TAX1BP1: variants seen among roughly 807,000 people sequenced by gnomAD.
The protein encoded by TAX1BP1 is Tax1 binding protein 1, also known as tax1-binding protein 1.
In TAX1BP1, 62 loss-of-function variants were observed where a neutral mutation model predicts 97.7. The ratio of observed to expected loss-of-function variants is 0.63; its 90% CI spans 0.52 to 0.78. The LOEUF is 0.78. TAX1BP1 is among the 30% of genes least tolerant of loss of function. TAX1BP1 has a pLI of 0.00. For synonymous variants in TAX1BP1, 340 were observed against 304.2 expected (o/e 1.12, Z -1.23); for missense variants, 867 against 916.1 (o/e 0.95, Z 0.69).
chr7:27,761,671 T>C (rs1464296898), intron 3 of TAX1BP1, among the ~76,000 whole-genome samples: 1 of 152,260 alleles, frequency 6.6e-6, no homozygotes, highest in Non-Finnish European at 1.5e-5. Flanking sequence ...ATAGCTCATT[T>C]CTTTTATTAC....
At chr7:27,760,546 C>G (rs1788386796) in intron 3 of TAX1BP1, among the ~76,000 whole-genome samples, 1 of 152,056 alleles carries the variant, frequency 6.6e-6, no homozygotes, top group Non-Finnish European at 1.5e-5. Flanking sequence ...GCGCCCGCCA[C>G]CATGCCTGGC....
At chr7:27,761,345 G>A (rs1026663802) in intron 3 of TAX1BP1, among the ~76,000 whole-genome samples, 1 of 152,086 alleles carries the variant, frequency 6.6e-6, no homozygotes, top group African/African-American at 2.4e-5. Flanking sequence ...TATTGTCTGA[G>A]TTCATAGTTT....
At chr7:27,794,074 T>G (rs1544414) in intron 10 of TAX1BP1, among the ~76,000 whole-genome samples, 21,180 of 151,810 alleles carry the variant, frequency 0.14, 1,727 homozygotes, top group Middle Eastern at 0.19. Flanking sequence ...AATGACTTAT[T>G]TTGGTGGTCT....
rs371052683 is a variant in TAX1BP1, at chr7:27,785,445, G to C, written c.808G>C (p.Glu270Gln). 1 of 1,613,544 alleles carries C rather than the reference G, an allele frequency of 6.2e-7. No individual in the cohort carries two copies. Among genetic ancestry groups the C allele is most frequent in the Non-Finnish European group, 8.5e-7 (1 of 1,179,896 alleles). ...GGCACAACATGAAAGAGAACAACTT[G>C]AATGTCAGTTGAAGACAGAGAAGGA... ...KKAQHEREQL[E>Q]CQLKTEKDEK... The change falls in exon 7 of 17, where the codon GAA (glutamate) becomes CAA (glutamine). Residue 270 changes from glutamate to glutamine, a missense_variant. Glu to Gln is a conservative substitution (Grantham distance 29, BLOSUM62 2). Coordinates refer to ENST00000396319, the MANE Select transcript of TAX1BP1 (RefSeq NM_006024.7).
intron 13 of TAX1BP1, among the ~76,000 whole-genome samples, chr7:27,814,379 T>G (rs1248135622): frequency 6.6e-6 from 1 of 152,190 alleles, no homozygotes; most frequent in East Asian, 1.9e-4. Context: ...CTGTGTACAT[T>G]TTAGAATTAT....
chr7:27,796,002 C>T (rs1172839078), intron 11 of TAX1BP1, 114 bp from the exon 12 acceptor site: 6 of 709,370 alleles, frequency 8.5e-6, no homozygotes, highest in Non-Finnish European at 1.4e-5. Flanking sequence ...TTCTGTCCTT[C>T]AGCATTCCAT....
At chr7:27,743,001 A>T (rs1787678762) in intron 1 of TAX1BP1, among the ~76,000 whole-genome samples, 1 of 152,162 alleles carries the variant, frequency 6.6e-6, no homozygotes, top group Admixed American at 6.5e-5. Flanking sequence ...GGCTTTATGC[A>T]TTTCTGTCTT....
intron 2 of TAX1BP1, among the ~76,000 whole-genome samples, chr7:27,751,881 G>A (rs995689141): frequency 6.6e-6 from 1 of 152,002 alleles, no homozygotes. Flanking sequence ...TCGAACTCCT[G>A]GGCTCAAGCG....
intron 13 of TAX1BP1, among the ~76,000 whole-genome samples, chr7:27,810,093 G>A (rs977006560): frequency 6.6e-6 from 1 of 151,900 alleles, no homozygotes; most frequent in African/African-American, 2.4e-5. Flanking sequence ...ATTTTTAGTA[G>A]AGACAAGGTT....
intron 13 of TAX1BP1, among the ~76,000 whole-genome samples, chr7:27,815,836 C>A (rs1023226795): frequency 1.3e-5 from 2 of 151,948 alleles, no homozygotes; most frequent in Non-Finnish European, 2.9e-5. Flanking sequence ...GAGTTCAAGA[C>A]CAGCCTGACC....
At chr7:27,793,628 G>T (rs1373760130) in intron 10 of TAX1BP1, among the ~76,000 whole-genome samples, 2 of 152,158 alleles carry the variant, frequency 1.3e-5, no homozygotes, top group Non-Finnish European at 2.9e-5. Flanking sequence ...ATATTATGAA[G>T]ATTCCTATTC....
At position 27,828,984 on chromosome 7, in the gene TAX1BP1, G is replaced by A; in HGVS notation, c.*155G>A. 1.7e-6 allele frequency: 1 copy of A among 577,670 alleles called. No individual in the cohort carries two copies. The highest frequency in any genetic ancestry group is 3.0e-6 in the Non-Finnish European group (1 of 337,268). 35.8% of individuals were successfully genotyped at this position (577,670 alleles called of 1,614,324 possible). On this transcript the variant is annotated 3_prime_UTR_variant, in exon 17 of 17. Transcript: ENST00000396319. The stretch of plus-strand genomic sequence containing the variant: ...AGCTACTTTGAGTTTGGTGTTACTA[G>A]GATCAGGGTCAGTCTTTGGCTTATC...
intron 1 of TAX1BP1, among the ~76,000 whole-genome samples, chr7:27,742,127 A>T (rs1316796792): frequency 6.6e-6 from 1 of 152,222 alleles, no homozygotes; most frequent in Middle Eastern, 3.2e-3. Flanking sequence ...GGCAGGAGAC[A>T]GATGCCTTCC....
intron 2 of TAX1BP1, among the ~76,000 whole-genome samples, chr7:27,750,828 A>G (rs112882074): frequency 0.013 from 2,000 of 152,280 alleles, 32 homozygotes; most frequent in Non-Finnish European, 0.021. Context: ...ACATATTTCT[A>G]AATCCTTAAT....
At chr7:27,746,615 C>A (rs959378870) in intron 1 of TAX1BP1, among the ~76,000 whole-genome samples, 1 of 151,984 alleles carries the variant, frequency 6.6e-6, no homozygotes, top group Non-Finnish European at 1.5e-5. Flanking sequence ...TTTAGGTTAC[C>A]AGGTAGAGAG....
At chr7:27,794,245 T>G (rs1348824855) in intron 10 of TAX1BP1, 78 bp from the exon 11 acceptor site, 22 of 1,240,756 alleles carry the variant, frequency 1.8e-5, no homozygotes, top group Non-Finnish European at 2.2e-5. Context: ...TGTAAAAATA[T>G]TATTTACTTA....
intron 13 of TAX1BP1, among the ~76,000 whole-genome samples, chr7:27,811,290 T>C (rs543906886): frequency 2.0e-5 from 3 of 152,336 alleles, no homozygotes; most frequent in East Asian, 1.9e-4. Context: ...ATAGTTGATA[T>C]GTGGACGTGT....
At chr7:27,748,783 TAA>T (rs1178825918) in intron 2 of TAX1BP1, 97 bp downstream of exon 2, 4 of 909,052 alleles carry the variant, frequency 4.4e-6, no homozygotes, top group Non-Finnish European at 6.0e-6. Context: ...AACTCTGCAT[TAA>T]GACTCATTTT....
At chr7:27,747,334 T>C (rs927966886) in intron 1 of TAX1BP1, among the ~76,000 whole-genome samples, 2 of 152,230 alleles carry the variant, frequency 1.3e-5, no homozygotes, top group African/African-American at 4.8e-5. Context: ...TTGCAGTTTT[T>C]ATAATCTGCT....
Sources: gnomAD v4.1 joint callset for allele counts (sites outside exome capture counted in the v4.1 genomes callset) on GRCh38, gnomAD v4.1.1 for gene constraint, MANE v1.5 for transcripts, NCBI Gene and HGNC (gene_info 2026-07-23, HGNC 2026-07-21) for gene names.